SCHIP1: variants seen among roughly 807,000 people sequenced by gnomAD.
The protein encoded by SCHIP1 is schwannomin-interacting protein 1.
SCHIP1 carries 8 observed loss-of-function variants against 29.7 expected under a neutral mutation model. The observed-to-expected ratio is 0.27, with a 90% CI of 0.16 to 0.49. SCHIP1 has a LOEUF of 0.49. Ranked by LOEUF, SCHIP1 falls within the 20% of genes least tolerant of loss-of-function variation. SCHIP1 has a pLI of 0.99. For missense variants in SCHIP1, 193 were observed against 294.6 expected (o/e 0.66, Z 2.52); for synonymous variants, 76 against 94.9 (o/e 0.80, Z 1.16).
the SCHIP1 span, among the ~76,000 whole-genome samples, chr3:159,736,880 A>G: frequency 0.17 from 26,152 of 151,652 alleles, 5,859 homozygotes; most frequent in African/African-American, 0.52. Flanking sequence ...GACTACAGGC[A>G]CCCGCCACCA....
At chr3:159,333,754 C>A in the SCHIP1 span, among the ~76,000 whole-genome samples, 1 of 152,014 alleles carries the variant, frequency 6.6e-6, no homozygotes, top group African/African-American at 2.4e-5. Context: ...ATCATAGGAT[C>A]CTTTCTGTTA....
chr3:159,463,241 T>C, the SCHIP1 span, among the ~76,000 whole-genome samples: 2 of 152,168 alleles, frequency 1.3e-5, no homozygotes, highest in African/African-American at 4.8e-5. Flanking sequence ...GTAATTTTTT[T>C]GTAAATATGT....
chr3:159,316,050 G>A, the SCHIP1 span, among the ~76,000 whole-genome samples: 1 of 152,036 alleles, frequency 6.6e-6, no homozygotes, highest in African/African-American at 2.4e-5. Flanking sequence ...CTAAGTCTGA[G>A]GCAAGGAGGG....
chr3:159,503,806 T>A, the SCHIP1 span, among the ~76,000 whole-genome samples: 4 of 152,054 alleles, frequency 2.6e-5, no homozygotes, highest in Non-Finnish European at 5.9e-5. Flanking sequence ...ACCTCCAGAG[T>A]CACATAAAGG....
At chr3:159,694,326 C>T in the SCHIP1 span, among the ~76,000 whole-genome samples, 2 of 152,068 alleles carry the variant, frequency 1.3e-5, no homozygotes, top group South Asian at 2.1e-4. Context: ...TCAAGACTAG[C>T]CTGGCCAACA....
the SCHIP1 span, among the ~76,000 whole-genome samples, chr3:159,810,296 C>T: frequency 2.0e-5 from 3 of 152,294 alleles, no homozygotes; most frequent in East Asian, 3.9e-4. Context: ...CTGCCCACCT[C>T]GGCCCCTCAA....
chr3:159,476,779 T>C, the SCHIP1 span, among the ~76,000 whole-genome samples: 2 of 152,184 alleles, frequency 1.3e-5, no homozygotes, highest in African/African-American at 4.8e-5. Flanking sequence ...AATTAACATA[T>C]ATACCCTCAT....
At chr3:159,771,478 A>T in the SCHIP1 span, among the ~76,000 whole-genome samples, 3 of 151,796 alleles carry the variant, frequency 2.0e-5, no homozygotes, top group Non-Finnish European at 1.5e-5. Flanking sequence ...CAGTGTTAAA[A>T]TTTTTTTTTC....
chr3:159,442,243 A>C, the SCHIP1 span, among the ~76,000 whole-genome samples: 2 of 152,330 alleles, frequency 1.3e-5, no homozygotes, highest in African/African-American at 4.8e-5. Flanking sequence ...CTGGGAGCTT[A>C]CAAAGTCAGC....
chr3:159,461,299 A>G, the SCHIP1 span, among the ~76,000 whole-genome samples: 1 of 151,964 alleles, frequency 6.6e-6, no homozygotes, highest in African/African-American at 2.4e-5. Flanking sequence ...CTTCAAACCC[A>G]CCATACCTAC....
At chr3:159,392,214 C>CT in the SCHIP1 span, among the ~76,000 whole-genome samples, 2 of 152,164 alleles carry the variant, frequency 1.3e-5, no homozygotes, top group Admixed American at 1.3e-4. Flanking sequence ...CAAAGCAGTG[C>CT]TACTGTCAAC....
chr3:159,669,096 C>T, the SCHIP1 span, among the ~76,000 whole-genome samples: 3 of 152,244 alleles, frequency 2.0e-5, no homozygotes, highest in Admixed American at 2.0e-4. Flanking sequence ...AACTCCAGCT[C>T]CACCCCCGGG....
chr3:159,778,699 A>G, the SCHIP1 span, among the ~76,000 whole-genome samples: 2 of 152,192 alleles, frequency 1.3e-5, no homozygotes, highest in Admixed American at 1.3e-4. Context: ...ACATGGTGCT[A>G]ATATATTTGC....
At chr3:159,524,948 C>T in the SCHIP1 span, among the ~76,000 whole-genome samples, 9 of 152,214 alleles carry the variant, frequency 5.9e-5, no homozygotes, top group Non-Finnish European at 1.0e-4. Context: ...ATCATATCTC[C>T]TGTAGATGAG....
At chr3:159,708,384 A>C in the SCHIP1 span, among the ~76,000 whole-genome samples, 1 of 152,224 alleles carries the variant, frequency 6.6e-6, no homozygotes, top group Non-Finnish European at 1.5e-5. Context: ...GAGAAGCCTA[A>C]ATTGCTTAGA....
At chr3:159,780,619 A>G in the SCHIP1 span, among the ~76,000 whole-genome samples, 40 of 152,352 alleles carry the variant, frequency 2.6e-4, 1 homozygote, top group African/African-American at 9.4e-4. Flanking sequence ...TAAATGTAAC[A>G]TGCCAAGTTG....
At chr3:159,414,744 TGGAGG>T in the SCHIP1 span, among the ~76,000 whole-genome samples, 1 of 152,132 alleles carries the variant, frequency 6.6e-6, no homozygotes, top group African/African-American at 2.4e-5. Flanking sequence ...GGTATGGGGT[TGGAGG>T]GCAGGGATGG....
At chr3:159,451,043 C>T in the SCHIP1 span, among the ~76,000 whole-genome samples, 4 of 152,064 alleles carry the variant, frequency 2.6e-5, no homozygotes, top group Admixed American at 6.5e-5. Flanking sequence ...CTCCTGACCT[C>T]GTGATCCGCC....
chr3:159,308,211 G>T, the SCHIP1 span, among the ~76,000 whole-genome samples: 1 of 152,090 alleles, frequency 6.6e-6, no homozygotes, highest in East Asian at 1.9e-4. Context: ...CCATGAGCAT[G>T]GCATGTCTTT....
Sources: allele counts gnomAD v4.1 joint callset (sites outside exome capture counted in the v4.1 genomes callset), GRCh38; gene constraint gnomAD v4.1.1; transcripts MANE v1.5; gene names NCBI Gene and HGNC (gene_info 2026-07-23, HGNC 2026-07-21).